DMD: variants seen among roughly 807,000 people sequenced by gnomAD.
DMD encodes the protein mutant dystrophin.
DMD carries 63 observed loss-of-function variants against 330.1 expected under a neutral mutation model. The observed-to-expected ratio is 0.19, with a 90% CI of 0.16 to 0.24. DMD has a LOEUF of 0.24. DMD is among the 10% of genes least tolerant of loss of function. DMD has a pLI of 1.00. For synonymous variants in DMD, 1,223 were observed against 959.8 expected (o/e 1.27, Z -5.07); for missense variants, 3,344 against 2,684.1 (o/e 1.25, Z -5.43).
At chrX:32,915,689 T>C (rs1427004471) in intron 2 of DMD, among the ~76,000 whole-genome samples, 3 of 112,214 alleles carry the variant, frequency 2.7e-5, no homozygotes, top group Non-Finnish European at 5.6e-5. Context: ...CTCACTTGAC[T>C]CCCTCAGTAG....
At chrX:32,963,665 A>G (rs966002743) in intron 2 of DMD, among the ~76,000 whole-genome samples, 17 of 112,235 alleles carry the variant, frequency 1.5e-4, no homozygotes, top group African/African-American at 5.5e-4. Flanking sequence ...TTAATTACTA[A>G]GTAAAGTTTC....
chrX:33,287,826 T>C (rs2053455883), intron 1 of DMD, among the ~76,000 whole-genome samples: 1 of 111,315 alleles, frequency 9.0e-6, no homozygotes, highest in African/African-American at 3.3e-5. Flanking sequence ...CACACCACAA[T>C]CCATCATCAG....
chrX:32,850,279 T>G (rs1569534056), intron 2 of DMD, among the ~76,000 whole-genome samples: 1 of 111,935 alleles, frequency 8.9e-6, no homozygotes, highest in African/African-American at 3.2e-5. Flanking sequence ...TTGCTGTGCA[T>G]ACACATTTTG....
rs773880226 is a variant in DMD, at chrX:31,169,491, T to G, written c.10505A>C (p.Glu3502Ala). 3 of 1,204,929 alleles carry G rather than the reference T, an allele frequency of 2.5e-6. No individual in the cohort carries two copies. The Admixed American group carries it at 6.5e-5, about 26-fold the overall frequency. ...AQILISLESEERGELERILAD... is the reference protein window; with the variant it reads ...AQILISLESEARGELERILAD... ...TAGGATTCTCTCTAGCTCCCCTCTTTCCTCACTCTCTAAGGAAATCAAGAT... is the reference window on the plus strand; with the variant it reads ...TAGGATTCTCTCTAGCTCCCCTCTTGCCTCACTCTCTAAGGAAATCAAGAT... Residue 3502 changes from glutamate to alanine, a missense_variant, in exon 74 of 79, where the codon GAA (glutamate) becomes GCA (alanine). Coordinates refer to ENST00000357033, the MANE Select transcript of DMD (RefSeq NM_004006.3).
At chrX:31,618,647 GA>G (rs1418589319) in intron 55 of DMD, among the ~76,000 whole-genome samples, 5 of 111,935 alleles carry the variant, frequency 4.5e-5, no homozygotes, top group African/African-American at 1.6e-4. Context: ...TAGAAGATCA[GA>G]AAGTCAAACT....
chrX:32,145,768 C>A (rs1177203949), intron 44 of DMD, among the ~76,000 whole-genome samples: 1 of 111,506 alleles, frequency 9.0e-6, no homozygotes, highest in Non-Finnish European at 1.9e-5. Context: ...AAGAAGCTAC[C>A]ATATTACAGA....
intron 55 of DMD, among the ~76,000 whole-genome samples, chrX:31,560,584 A>C (rs1367286385): frequency 9.0e-6 from 1 of 110,760 alleles, no homozygotes; most frequent in Non-Finnish European, 1.9e-5. Flanking sequence ...ACTCGAACAG[A>C]CAGTGCCGTG....
At chrX:32,984,000 CT>C (rs756763027) in intron 2 of DMD, among the ~76,000 whole-genome samples, 1 of 111,622 alleles carries the variant, frequency 9.0e-6, no homozygotes, top group South Asian at 3.8e-4. Flanking sequence ...AGCGTCTTTT[CT>C]GTTTAAAGCT....
At chrX:33,236,516 T>G (rs750271783) in intron 1 of DMD, among the ~76,000 whole-genome samples, 5 of 109,410 alleles carry the variant, frequency 4.6e-5, no homozygotes, top group African/African-American at 1.7e-4. Flanking sequence ...CCACCCAACT[T>G]GGCCTCCCAA....
intron 55 of DMD, among the ~76,000 whole-genome samples, chrX:31,605,672 A>G (rs1351274013): frequency 9.0e-6 from 1 of 111,418 alleles, no homozygotes; most frequent in East Asian, 2.8e-4. Context: ...GAATGTATCA[A>G]TTGAGATCTT....
chrX:32,129,063 A>G (rs1025451443), intron 44 of DMD, among the ~76,000 whole-genome samples: 2 of 111,833 alleles, frequency 1.8e-5, no homozygotes, highest in East Asian at 5.6e-4. Context: ...AGTTTGCTCT[A>G]GATACCTAGA....
intron 9 of DMD, among the ~76,000 whole-genome samples, chrX:32,657,273 A>G (rs895594968): frequency 8.1e-5 from 9 of 111,692 alleles, no homozygotes; most frequent in Non-Finnish European, 1.7e-4. Flanking sequence ...CAGAGAGAAA[A>G]TAATAGAAGA....
intron 43 of DMD, among the ~76,000 whole-genome samples, chrX:32,269,214 C>T (rs1371206721): frequency 9.0e-6 from 1 of 110,781 alleles, no homozygotes; most frequent in African/African-American, 3.3e-5. Context: ...GTAAATACAC[C>T]GTGCATGCTC....
intron 65 of DMD, among the ~76,000 whole-genome samples, chrX:31,208,731 G>A (rs2044338282): frequency 9.0e-6 from 1 of 111,342 alleles, no homozygotes; most frequent in African/African-American, 3.3e-5. Flanking sequence ...TTTCCAAATG[G>A]GAGTATGTTC....
At chrX:32,972,240 C>T (rs973607324) in intron 2 of DMD, among the ~76,000 whole-genome samples, 1 of 111,048 alleles carries the variant, frequency 9.0e-6, no homozygotes, top group Non-Finnish European at 1.9e-5. Flanking sequence ...TGCGATGGTG[C>T]AATGATGGCT....
intron 45 of DMD, among the ~76,000 whole-genome samples, chrX:31,937,050 T>TA (rs374024320): frequency 5.5e-4 from 61 of 111,584 alleles, no homozygotes; most frequent in African/African-American, 1.8e-3. Flanking sequence ...CTAACTTATG[T>TA]AATGTATCAT....
intron 11 of DMD, among the ~76,000 whole-genome samples, chrX:32,636,992 T>C (rs762159532): frequency 3.7e-5 from 4 of 107,738 alleles, no homozygotes; most frequent in Admixed American, 9.9e-5. Context: ...GGAGACTCTG[T>C]CTCAAAAAAA....
intron 78 of DMD, among the ~76,000 whole-genome samples, chrX:31,126,292 C>T (rs1010583853): frequency 1.8e-5 from 2 of 112,007 alleles, no homozygotes; most frequent in African/African-American, 3.2e-5. Flanking sequence ...CTTTATGACT[C>T]ATCAGTTATG....
At chrX:32,565,513 T>C (rs1055597844) in intron 16 of DMD, among the ~76,000 whole-genome samples, 189 bp downstream of exon 16, 1 of 111,552 alleles carries the variant, frequency 9.0e-6, no homozygotes, top group Admixed American at 9.6e-5. Context: ...CAAGTTCAGT[T>C]AATTAGCACT....
Sources: allele counts gnomAD v4.1 joint callset (sites outside exome capture counted in the v4.1 genomes callset), GRCh38; gene constraint gnomAD v4.1.1; transcripts MANE v1.5; gene names NCBI Gene and HGNC (gene_info 2026-07-23, HGNC 2026-07-21).